The following ARHGAP26 variants were observed in gnomAD, a reference collection of about 807,000 sequenced individuals.
The protein encoded by ARHGAP26 is Rho GTPase activating protein 26.
ARHGAP26 carries 38 observed loss-of-function variants against 104.8 expected under a neutral mutation model. The ratio of observed to expected loss-of-function variants is 0.36; its 90% CI spans 0.28 to 0.48. The LOEUF is 0.48. ARHGAP26 is among the 20% of genes least tolerant of loss of function. The probability of loss-of-function intolerance (pLI) is 0.99; values close to 1 mark genes in which losing one functional copy is unlikely to be tolerated. For synonymous variants in ARHGAP26, 341 were observed against 340.0 expected, an observed-to-expected ratio of 1.00 and a Z score of -0.03; for missense variants, 704 against 947.9, an observed-to-expected ratio of 0.74 and a Z score of 3.38.
intron 11 of ARHGAP26, among the ~76,000 whole-genome samples, chr5:142,998,743 AC>A (rs1776781756): frequency 1.3e-5 from 2 of 152,084 alleles, no homozygotes; most frequent in African/African-American, 2.4e-5. Context: ...TAAAAAAAGA[AC>A]AAAAAAAAAG....
intron 20 of ARHGAP26, among the ~76,000 whole-genome samples, chr5:143,151,057 C>A (rs981682843): frequency 6.6e-6 from 1 of 152,104 alleles, no homozygotes; most frequent in African/African-American, 2.4e-5. Context: ...ACAGAGAACT[C>A]TTAAAATTCA....
intron 18 of ARHGAP26, among the ~76,000 whole-genome samples, chr5:143,128,459 A>G (rs1328669212): frequency 1.3e-5 from 2 of 152,196 alleles, no homozygotes; most frequent in Non-Finnish European, 2.9e-5. Flanking sequence ...ACTACTTTCT[A>G]AATTGTTGAT....
chr5:142,890,970 G>A (rs1470589722), intron 5 of ARHGAP26, among the ~76,000 whole-genome samples: 1 of 149,890 alleles, frequency 6.7e-6, no homozygotes, highest in African/African-American at 2.5e-5. Context: ...CTTCTTCTCT[G>A]CCTTTGCAGA....
Position 143,222,240 on chromosome 5 carries a change from C to A in ARHGAP26, c.2192-118C>A, listed in dbSNP as rs369114338. ...GTGATTGTACTCATTGTCCAAGCTT[C>A]CTTCATACACACACACACACACACA... On this transcript the variant is annotated intron_variant, in intron 22 of 22. Coordinates refer to ENST00000645722, the MANE Select transcript of ARHGAP26 (RefSeq NM_001135608.3). 860 of 497,148 alleles carry A rather than the reference C, an allele frequency of 1.7e-3. 5 individuals carry two copies. The African/African-American group carries it at 0.026, about 15-fold the overall frequency. The allele number at this position is 497,148 out of a possible 1,614,324, so 30.8% of individuals were successfully genotyped here.
intron 20 of ARHGAP26, among the ~76,000 whole-genome samples, chr5:143,201,376 T>C (rs1446376299): frequency 6.6e-6 from 1 of 152,212 alleles, no homozygotes; most frequent in African/African-American, 2.4e-5. Context: ...TTTTCTCCTC[T>C]TTTAATTGTT....
intron 1 of ARHGAP26, among the ~76,000 whole-genome samples, chr5:142,809,744 GTCCA>G (rs984338578): frequency 6.6e-6 from 1 of 152,078 alleles, no homozygotes; most frequent in South Asian, 2.1e-4. Flanking sequence ...TCATTCATCT[GTCCA>G]TCCATCCATC....
intron 11 of ARHGAP26, among the ~76,000 whole-genome samples, chr5:142,977,969 A>G (rs1773368494): frequency 6.6e-6 from 1 of 152,360 alleles, no homozygotes; most frequent in East Asian, 1.9e-4. Context: ...GGGATGGTTG[A>G]CAGATCACTT....
At chr5:143,020,159 G>T (rs911483936) in intron 12 of ARHGAP26, among the ~76,000 whole-genome samples, 3 of 152,176 alleles carry the variant, frequency 2.0e-5, no homozygotes, top group African/African-American at 4.8e-5. Context: ...AATGCCTCTA[G>T]AAGTTCTTGG....
At chr5:143,209,001 A>T (rs1315961674) in intron 21 of ARHGAP26, among the ~76,000 whole-genome samples, 1 of 152,222 alleles carries the variant, frequency 6.6e-6, no homozygotes, top group African/African-American at 2.4e-5. Flanking sequence ...GAGGAAACTA[A>T]GTGACCACAG....
At chr5:143,214,452 A>G (rs1810014585) in intron 22 of ARHGAP26, among the ~76,000 whole-genome samples, 1 of 152,238 alleles carries the variant, frequency 6.6e-6, no homozygotes, top group South Asian at 2.1e-4. Context: ...CATTCACTAA[A>G]TTAATATTTT....
intron 11 of ARHGAP26, among the ~76,000 whole-genome samples, chr5:143,001,680 G>C (rs934905771): frequency 6.6e-6 from 1 of 152,204 alleles, no homozygotes; most frequent in African/African-American, 2.4e-5. Context: ...ATGGAGGTGG[G>C]GGACCCACAC....
In ARHGAP26 at chr5:142,932,068, A is replaced by G. The variant is rs201684453; in HGVS notation, c.1050A>G (p.Gln350=). 2.5e-6 allele frequency: 4 copies of G among 1,614,054 alleles called. No individual in the cohort carries two copies. The African/African-American group carries it at 5.3e-5, about 22-fold the overall frequency. ...GCAGGCCAGGGGTTATCACCATGCAAGCTTTGTCGGAAGAGGACCGGAGGC... is the reference window on the plus strand; with the variant it reads ...GCAGGCCAGGGGTTATCACCATGCAGGCTTTGTCGGAAGAGGACCGGAGGC... ...AVDRPGVITM[Q]ALSEEDRRLW... The change falls in exon 11 of 23, where the codon CAA becomes CAG. Residue 350 remains glutamine, a synonymous_variant. Coordinates refer to ENST00000645722, the MANE Select transcript of ARHGAP26 (RefSeq NM_001135608.3).
At chr5:142,991,315 C>T (rs142439316) in intron 11 of ARHGAP26, among the ~76,000 whole-genome samples, 5,601 of 152,266 alleles carry the variant, frequency 0.037, 156 homozygotes, top group Middle Eastern at 0.071. Context: ...TTTGGAAAAG[C>T]GCAGTATTAG....
chr5:143,099,513 A>G (rs1792906261), intron 17 of ARHGAP26, among the ~76,000 whole-genome samples: 1 of 152,228 alleles, frequency 6.6e-6, no homozygotes, highest in African/African-American at 2.4e-5. Context: ...TTTCTAGCAC[A>G]GGGATTCAAT....
At chr5:143,102,667 A>G (rs1198463375) in intron 17 of ARHGAP26, among the ~76,000 whole-genome samples, 1 of 152,244 alleles carries the variant, frequency 6.6e-6, no homozygotes, top group Non-Finnish European at 1.5e-5. Flanking sequence ...AGCTCATGAA[A>G]TACCAGAGGA....
intron 6 of ARHGAP26, among the ~76,000 whole-genome samples, chr5:142,897,313 A>G (rs1156958817): frequency 6.6e-6 from 1 of 152,248 alleles, no homozygotes; most frequent in Non-Finnish European, 1.5e-5. Context: ...AGATAGTAAT[A>G]GGGATTTGCC....
intron 17 of ARHGAP26, among the ~76,000 whole-genome samples, chr5:143,094,094 C>T (rs1225936633): frequency 6.6e-6 from 1 of 152,230 alleles, no homozygotes; most frequent in South Asian, 2.1e-4. Flanking sequence ...AGGAATACTT[C>T]ACCACCACTC....
At chr5:142,798,174 A>G (rs1410236157) in intron 1 of ARHGAP26, among the ~76,000 whole-genome samples, 1 of 152,030 alleles carries the variant, frequency 6.6e-6, no homozygotes, top group African/African-American at 2.4e-5. Flanking sequence ...GTTGTCTCCC[A>G]TTGCTCTTAA....
At chr5:142,902,685 C>T (rs934107881) in intron 7 of ARHGAP26, among the ~76,000 whole-genome samples, 1 of 152,144 alleles carries the variant, frequency 6.6e-6, no homozygotes, top group Non-Finnish European at 1.5e-5. Context: ...ATCTTGTGTC[C>T]ATGTGGGTTG....
Sources: allele counts gnomAD v4.1 joint callset (sites outside exome capture counted in the v4.1 genomes callset), GRCh38; gene constraint gnomAD v4.1.1; transcripts MANE v1.5; gene names NCBI Gene and HGNC (gene_info 2026-07-23, HGNC 2026-07-21).